WASF1: variants seen among roughly 807,000 people sequenced by gnomAD.
The protein encoded by WASF1 is WASP family member 1.
Under a neutral mutation model 50.5 loss-of-function variants are expected in WASF1, and 7 were observed. The ratio of observed to expected loss-of-function variants is 0.14; its 90% CI spans 0.08 to 0.26. The LOEUF (loss-of-function observed/expected upper bound fraction) is 0.26. Among genes scored for constraint, WASF1 ranks in the 10% least tolerant of loss-of-function variants. WASF1 has a pLI of 1.00. For missense variants in WASF1, 470 were observed against 694.7 expected, an observed-to-expected ratio of 0.68 and a Z score of 3.64; for synonymous variants, 205 against 244.0, an observed-to-expected ratio of 0.84 and a Z score of 1.49.
At chr6:110,143,257 A>T (rs1775343350) in intron 3 of WASF1, among the ~76,000 whole-genome samples, 2 of 152,032 alleles carry the variant, frequency 1.3e-5, no homozygotes, top group South Asian at 4.1e-4. Flanking sequence ...ATCTCACAAT[A>T]TCTTATATTG....
At chr6:110,118,347 C>CAAAAAAAAAAAAAAAAAAAA (rs56948481) in intron 4 of WASF1, among the ~76,000 whole-genome samples, 1 of 7,496 alleles carries the variant, frequency 1.3e-4, no homozygotes, top group African/African-American at 4.3e-4. Flanking sequence ...AAACGGAAAG[C>CAAAAAAAAAAAAAAAAAAAA]AAAAAAAAAA....
rs1461209080 is a variant in WASF1 at position 110,105,494 on chromosome 6, T to A, written c.626A>T (p.Gln209Leu). The change falls in exon 8 of 11, where the codon CAA (glutamine) becomes CTA (leucine). Residue 209 changes from glutamine to leucine, a missense_variant. By Grantham distance (113) the Gln-to-Leu change is moderately radical. Around this residue, in one of 3 missense-constraint regions of WASF1, gnomAD observed 140 missense variants for 260.5 expected, o/e 0.54. Coordinates refer to ENST00000392589, the MANE Select transcript of WASF1 (RefSeq NM_003931.3). ...ATCATCTTCAGCCAGCTCTGGACCT[T>A]GGGCCAGCTTCTGCCATTCTCGCCG... ...DRRREWQKLAQGPELAEDDAN... is the reference protein window; with the variant it reads ...DRRREWQKLALGPELAEDDAN... 1 of 1,614,070 alleles carries A rather than the reference T, an allele frequency of 6.2e-7. No individual in the cohort carries two copies. The highest frequency in any genetic ancestry group is 1.3e-5 in the African/African-American group (1 of 75,048).
chr6:110,104,697 G>A (rs1333248971), intron 8 of WASF1, among the ~76,000 whole-genome samples: 1 of 152,198 alleles, frequency 6.6e-6, no homozygotes, highest in African/African-American at 2.4e-5. Flanking sequence ...GCTGAGGTGG[G>A]AGAATCGCTT....
chr6:110,148,385 T>C (rs1445037739), intron 3 of WASF1, among the ~76,000 whole-genome samples: 1 of 151,996 alleles, frequency 6.6e-6, no homozygotes, highest in Non-Finnish European at 1.5e-5. Flanking sequence ...ATAAGTATAA[T>C]GGAGTAAAAG....
chr6:110,126,603 T>C (rs1562171444), intron 4 of WASF1, among the ~76,000 whole-genome samples: 1 of 152,216 alleles, frequency 6.6e-6, no homozygotes, highest in Non-Finnish European at 1.5e-5. Context: ...AGAATTTATA[T>C]GGCTGATGAG....
chr6:110,160,974 A>G (rs1776239740), intron 2 of WASF1, among the ~76,000 whole-genome samples: 1 of 151,494 alleles, frequency 6.6e-6, no homozygotes, highest in South Asian at 2.1e-4. Flanking sequence ...AATAAATGCA[A>G]TTCTTGCTTA....
intron 3 of WASF1, among the ~76,000 whole-genome samples, chr6:110,154,308 A>G (rs1775959858): frequency 6.6e-6 from 1 of 152,114 alleles, no homozygotes; most frequent in Non-Finnish European, 1.5e-5. Flanking sequence ...AGTACCTAAC[A>G]ATATCATATG....
chr6:110,139,553 T>A (rs1442314521), intron 3 of WASF1, among the ~76,000 whole-genome samples: 1 of 152,232 alleles, frequency 6.6e-6, no homozygotes, highest in Non-Finnish European at 1.5e-5. Flanking sequence ...TTTGCTTGAA[T>A]AAACTCTTTA....
At chr6:110,147,323 G>A (rs2114570988) in intron 3 of WASF1, among the ~76,000 whole-genome samples, 1 of 147,982 alleles carries the variant, frequency 6.8e-6, no homozygotes, top group East Asian at 2.0e-4. Flanking sequence ...TCCAGCCTGG[G>A]CAACAGTGCG....
rs1773657424 is a variant in WASF1 at position 110,113,446 on chromosome 6, C to T, written c.148G>A (p.Asp50Asn). Residue 50 changes from aspartate (D) to asparagine (N), a missense_variant, in exon 5 of 11, where the codon GAT becomes AAT. Asp to Asn is a conservative substitution (Grantham distance 23). Around this residue, in one of 3 missense-constraint regions of WASF1, gnomAD observed 140 missense variants for 260.5 expected, o/e 0.54. Transcript: ENST00000392589. ...QLSSLSKYAE[D>N]IFGELFNEAH... ...TCATTGAATAATTCTCCAAATATAT[C>T]TTCAGCATATTTACCTAAGCAAAAA... The T allele has an allele frequency of 6.3e-7, 1 of 1,596,708 alleles. No individual in the cohort carries two copies. Among genetic ancestry groups the T allele is most frequent in the Non-Finnish European group, 8.5e-7 (1 of 1,173,092 alleles).
rs115224570 is a variant in WASF1, at chr6:110,142,068, T to G, written c.-28-14439A>C. On this transcript the variant is annotated intron_variant, in intron 3 of 10. Transcript: ENST00000392589. Reference sequence around the variant, plus strand: ...CTTAATCATGATTCTAAGGAGCTGCTTTTTTGTATGTGCATGGAAAAGAAA... The same window carrying G: ...CTTAATCATGATTCTAAGGAGCTGCGTTTTTGTATGTGCATGGAAAAGAAA... Among the ~76,000 whole-genome samples the G allele has an allele frequency of 3.9e-3, 598 of 152,322 alleles. 3 individuals are homozygous for G. Among genetic ancestry groups the G allele is most frequent in the African/African-American group, 0.013 (560 of 41,576 alleles).
intron 2 of WASF1, among the ~76,000 whole-genome samples, chr6:110,169,625 C>T (rs749148860): frequency 2.0e-5 from 3 of 152,194 alleles, no homozygotes; most frequent in Admixed American, 6.5e-5. Context: ...TCCAGTATTG[C>T]GACCTAACAA....
At chr6:110,179,157 A>G (rs1375656613) in intron 1 of WASF1, among the ~76,000 whole-genome samples, 2 of 152,144 alleles carry the variant, frequency 1.3e-5, no homozygotes, top group African/African-American at 4.8e-5. Flanking sequence ...GGTGACACCC[A>G]CAGTCTCTCC....
intron 4 of WASF1, among the ~76,000 whole-genome samples, chr6:110,117,078 C>A (rs1422431304): frequency 2.2e-5 from 3 of 135,748 alleles, no homozygotes; most frequent in Admixed American, 7.0e-5. Context: ...GCTGAAAATT[C>A]GAAAAAAAAA....
chr6:110,149,905 G>A (rs766418972), intron 3 of WASF1, among the ~76,000 whole-genome samples: 2 of 151,866 alleles, frequency 1.3e-5, no homozygotes, highest in Non-Finnish European at 2.9e-5. Flanking sequence ...TTATTATTTT[G>A]TAGAGATGGG....
intron 1 of WASF1, among the ~76,000 whole-genome samples, chr6:110,178,977 A>G (rs1288830006): frequency 6.6e-6 from 1 of 152,232 alleles, no homozygotes; most frequent in Non-Finnish European, 1.5e-5. Context: ...GTTTTCAGAC[A>G]CCGACTCGCG....
intron 2 of WASF1, among the ~76,000 whole-genome samples, chr6:110,176,349 A>G (rs975171089): frequency 7.9e-5 from 12 of 152,082 alleles, no homozygotes; most frequent in African/African-American, 2.4e-4. Context: ...AAATATGTTA[A>G]CATACATCTT....
At chr6:110,149,881 G>A (rs187654645) in intron 3 of WASF1, among the ~76,000 whole-genome samples, 2 of 152,036 alleles carry the variant, frequency 1.3e-5, no homozygotes, top group African/African-American at 4.8e-5. Context: ...ATCTGTTACT[G>A]TTTATTATTA....
At chr6:110,132,673 T>C (rs1475333522) in intron 3 of WASF1, among the ~76,000 whole-genome samples, 1 of 151,898 alleles carries the variant, frequency 6.6e-6, no homozygotes, top group African/African-American at 2.4e-5. Context: ...TGTAGTCTTT[T>C]ATCCCTCTCC....
Sources: gnomAD v4.1 joint callset for allele counts (sites outside exome capture counted in the v4.1 genomes callset) on GRCh38, gnomAD v4.1.1 for gene constraint, gnomAD v4.1.1 regional missense constraint, MANE v1.5 for transcripts, NCBI Gene and HGNC (gene_info 2026-07-23, HGNC 2026-07-21) for gene names.